The following DPP6 variants were observed in gnomAD, a reference collection of about 807,000 sequenced individuals.
DPP6 encodes dipeptidyl peptidase like 6.
A neutral mutation model predicts 122.6 loss-of-function variants in DPP6; 69 were observed. The ratio of observed to expected loss-of-function variants is 0.56; its 90% confidence interval spans 0.46 to 0.69. DPP6 has a LOEUF of 0.69. DPP6 is among the 30% of genes least tolerant of loss of function. The probability of loss-of-function intolerance (pLI) is 0.00; values close to 1 mark genes in which losing one functional copy is unlikely to be tolerated. For missense variants in DPP6, 928 were observed against 1,116.9 expected (o/e 0.83, Z 2.41); for synonymous variants, 418 against 433.1 (o/e 0.97, Z 0.43).
intron 6 of DPP6, 53 bp downstream of exon 6, chr7:154,637,926 G>C (rs1290613166): frequency 1.2e-5 from 18 of 1,537,214 alleles, no homozygotes; most frequent in South Asian, 3.7e-5. Flanking sequence ...GCAAAGTGAA[G>C]GGTAGAACAT....
chr7:154,325,432 G>A (rs1808364439), intron 1 of DPP6, among the ~76,000 whole-genome samples: 1 of 152,162 alleles, frequency 6.6e-6, no homozygotes, highest in Non-Finnish European at 1.5e-5. Flanking sequence ...AGCCTCAAGT[G>A]CCCACAATTC....
chr7:153,759,090 A>T, the DPP6 span, among the ~76,000 whole-genome samples: 1 of 151,784 alleles, frequency 6.6e-6, no homozygotes, highest in African/African-American at 2.4e-5. Context: ...TTAGTGGCAT[A>T]TTGGTGCAGT....
chr7:154,481,815 T>C lies in DPP6; in HGVS notation c.457+6778T>C, dbSNP rs980405168. On this transcript the variant is annotated intron_variant, in intron 3 of 25. Coordinates refer to ENST00000377770, the MANE Select transcript of DPP6 (RefSeq NM_130797.4). The surrounding 1 kb of genome is among the most constrained non-coding windows in gnomAD (Gnocchi z 4.2). ...TCTTGCTCTGCCCCACATTGACTCTTCTGGTTTTGGATTCTCCTATATCCT... is the reference window on the plus strand; with the variant it reads ...TCTTGCTCTGCCCCACATTGACTCTCCTGGTTTTGGATTCTCCTATATCCT... Among the ~76,000 whole-genome samples, 1 of 152,158 alleles carries C rather than the reference T, an allele frequency of 6.6e-6. No homozygotes were observed. The highest frequency in any genetic ancestry group is 2.4e-5 in the African/African-American group (1 of 41,442).
In DPP6 at chr7:154,300,158, C is replaced by T. The variant is rs956818885; in HGVS notation, c.244-146056C>T. ...GAGGTAAATAGCATGGCAAGACAAG[C>T]GGCTGCTGGAGTCCCGGGTTGGCAG... On this transcript the variant is annotated intron_variant, in intron 1 of 25. Transcript: ENST00000377770. Among the ~76,000 whole-genome samples the T allele has an allele frequency of 5.9e-5, 9 of 152,304 alleles. No homozygotes were observed. In the East Asian group the frequency reaches 9.7e-4, roughly 16 times the overall value.
the DPP6 span, among the ~76,000 whole-genome samples, chr7:153,852,324 G>A: frequency 1.3e-5 from 2 of 152,070 alleles, no homozygotes; most frequent in Non-Finnish European, 2.9e-5. Context: ...AGGATGTGTG[G>A]TGCTGGCATC....
intron 1 of DPP6, among the ~76,000 whole-genome samples, chr7:153,931,812 A>G (rs1801183434): frequency 6.6e-6 from 1 of 152,218 alleles, no homozygotes; most frequent in Admixed American, 6.5e-5. Context: ...ATAGATGTGG[A>G]AAATCAAAGT....
At chr7:154,685,897 A>G (rs1051217176) in intron 7 of DPP6, among the ~76,000 whole-genome samples, 1 of 152,194 alleles carries the variant, frequency 6.6e-6, no homozygotes, top group African/African-American at 2.4e-5. Context: ...GTTTTATGCA[A>G]TATTACCAAT....
chr7:154,359,899 G>A (rs1187181956), intron 1 of DPP6, among the ~76,000 whole-genome samples: 1 of 152,182 alleles, frequency 6.6e-6, no homozygotes, highest in Admixed American at 6.5e-5. Flanking sequence ...ATTAGAACTA[G>A]AAAGTCTAGA....
intron 21 of DPP6, 104 bp from the exon 22 acceptor site, chr7:154,885,529 C>A: frequency 7.0e-7 from 1 of 1,430,342 alleles, no homozygotes; most frequent in South Asian, 1.4e-5. Flanking sequence ...AAGGAGAGAA[C>A]CTGCATGGAA....
intron 1 of DPP6, among the ~76,000 whole-genome samples, chr7:154,300,259 C>T (rs1165366862): frequency 1.3e-5 from 2 of 152,200 alleles, no homozygotes; most frequent in African/African-American, 4.8e-5. Flanking sequence ...CCCGTCTTGG[C>T]TGAGCATCAG....
chr7:154,255,445 G>A (rs1158136211), intron 1 of DPP6, among the ~76,000 whole-genome samples: 2 of 152,168 alleles, frequency 1.3e-5, no homozygotes, highest in East Asian at 3.9e-4. Context: ...ATTTGGAGAG[G>A]CTGAGCCACT....
At chr7:154,396,440 G>A (rs974586091) in intron 1 of DPP6, among the ~76,000 whole-genome samples, 7 of 152,182 alleles carry the variant, frequency 4.6e-5, no homozygotes, top group African/African-American at 1.7e-4. Flanking sequence ...GAAAGGGAGG[G>A]AGGGAAATAA....
intron 3 of DPP6, among the ~76,000 whole-genome samples, chr7:154,516,376 A>C (rs1207230048): frequency 3.3e-5 from 5 of 152,176 alleles, no homozygotes; most frequent in Non-Finnish European, 5.9e-5. Flanking sequence ...CCACGCAGGA[A>C]GGCGCTGAGG....
chr7:153,892,712 G>GT (rs1279654129), intron 1 of DPP6, among the ~76,000 whole-genome samples: 6 of 152,062 alleles, frequency 3.9e-5, no homozygotes, highest in African/African-American at 1.5e-4. Flanking sequence ...TGGTCACTTG[G>GT]TAACAAAATG....
intron 17 of DPP6, among the ~76,000 whole-genome samples, chr7:154,862,146 G>T (rs1280557636): frequency 1.3e-5 from 2 of 152,158 alleles, no homozygotes; most frequent in African/African-American, 4.8e-5. Flanking sequence ...CATCCTTCAT[G>T]TGGAGCCCAC....
chr7:154,805,286 GC>G (rs201665018), intron 15 of DPP6, among the ~76,000 whole-genome samples: 4 of 151,998 alleles, frequency 2.6e-5, no homozygotes, highest in South Asian at 2.1e-4. Flanking sequence ...GAGGAATTCT[GC>G]CCCCCCTGCC....
chr7:154,764,333 T>A (rs1362840676), intron 8 of DPP6, among the ~76,000 whole-genome samples: 1 of 152,104 alleles, frequency 6.6e-6, no homozygotes, highest in Non-Finnish European at 1.5e-5. Context: ...AAAGTGTTAC[T>A]GTAACCTGCG....
intron 1 of DPP6, among the ~76,000 whole-genome samples, chr7:154,081,619 C>T (rs543550425): frequency 4.0e-5 from 6 of 148,216 alleles, no homozygotes; most frequent in East Asian, 2.0e-4. Flanking sequence ...GTTCATGATC[C>T]GTGGTGGGAT....
chr7:153,924,719 T>C (rs1227096953), intron 1 of DPP6, among the ~76,000 whole-genome samples: 1 of 152,122 alleles, frequency 6.6e-6, no homozygotes, highest in African/African-American at 2.4e-5. Flanking sequence ...TTGATCTGAG[T>C]CATTGATGGC....
Sources: allele counts gnomAD v4.1 joint callset (sites outside exome capture counted in the v4.1 genomes callset), GRCh38; gene constraint gnomAD v4.1.1; non-coding constraint Gnocchi (gnomAD v3.1); transcripts MANE v1.5; gene names NCBI Gene and HGNC (gene_info 2026-07-23, HGNC 2026-07-21).